The following TP63 variants were observed in gnomAD, a reference collection of about 807,000 sequenced individuals.
TP63 encodes the protein tumor protein p63.
In TP63, 17 loss-of-function variants were observed where a neutral mutation model predicts 82.8. The ratio of observed to expected loss-of-function variants is 0.21; its 90% CI spans 0.14 to 0.31. The LOEUF (loss-of-function observed/expected upper bound fraction) is 0.31. Ranked by LOEUF, TP63 falls within the 10% of genes least tolerant of loss-of-function variation. The probability of loss-of-function intolerance (pLI) is 1.00; values close to 1 mark genes in which losing one functional copy is unlikely to be tolerated. For missense variants in TP63, 648 were observed against 895.3 expected (o/e 0.72, Z 3.52); for synonymous variants, 330 against 321.7 (o/e 1.03, Z -0.28).
intron 1 of TP63, among the ~76,000 whole-genome samples, chr3:189,708,385 G>T (rs1348227870): frequency 6.6e-6 from 1 of 152,168 alleles, no homozygotes; most frequent in East Asian, 1.9e-4. Context: ...GCTACAGCCT[G>T]ATTTTTGGTT....
chr3:189,655,437 C>G (rs1002225368), intron 1 of TP63, among the ~76,000 whole-genome samples: 1 of 152,036 alleles, frequency 6.6e-6, no homozygotes, highest in Non-Finnish European at 1.5e-5. Context: ...CCAGGCTGGC[C>G]AACATGGCAA....
chr3:189,694,684 G>A (rs138348815), intron 1 of TP63, among the ~76,000 whole-genome samples: 1 of 149,672 alleles, frequency 6.7e-6, no homozygotes, highest in Non-Finnish European at 1.5e-5. Flanking sequence ...TGGTAATACT[G>A]ATCACCTGGC....
intron 10 of TP63, chr3:189,881,404 T>C (rs1719900245): frequency 2.0e-6 from 2 of 985,330 alleles, no homozygotes; most frequent in Admixed American, 6.2e-5. Flanking sequence ...CACTGTATTT[T>C]CTGTCACCAA....
rs756653133 is a variant in TP63, at chr3:189,886,508, C to T, written c.1464C>T (p.Asn488=). The change falls in exon 11 of 14, where the codon AAC becomes AAT. Residue 488 remains asparagine (N), a synonymous_variant. Transcript: ENST00000264731. ...AGCTTATCAACCCTCAGCAGCGCAA[C>T]GCCCTCACTCCTACAACCATTCCTG... ...VSQLINPQQR[N]ALTPTTIPDG... is the part of the protein sequence containing the mutation. 42 of 1,614,004 alleles carry T rather than the reference C, an allele frequency of 2.6e-5. No individual in the cohort carries two copies. The Admixed American group carries it at 2.7e-4, about 10-fold the overall frequency.
chr3:189,614,347 G>GTTCTCT, the TP63 span, among the ~76,000 whole-genome samples: 2 of 152,286 alleles, frequency 1.3e-5, no homozygotes, highest in South Asian at 2.1e-4. Flanking sequence ...CATGTAAGAA[G>GTTCTCT]TGCTTTTTGC....
rs1362476998 is a variant in TP63 at position 189,875,611 on chromosome 3, T to C, written c.1349+2616T>C. ...ATACATACATATATATATATATATATATATATATATATATATATATATATA... is the reference window on the plus strand; with the variant it reads ...ATACATACATATATATATATATATACATATATATATATATATATATATATA... On this transcript the variant is annotated intron_variant, in intron 10 of 13. Transcript: ENST00000264731. Among the ~76,000 whole-genome samples the C allele has an allele frequency of 1.6e-3, 121 of 77,030 alleles. 8 individuals carry two copies. The highest frequency in any genetic ancestry group is 8.8e-3 in the South Asian group (23 of 2,626). 50.5% of individuals were successfully genotyped at this position (77,030 alleles called of 152,430 possible).
chr3:189,755,671 G>T (rs7631262), intron 3 of TP63, among the ~76,000 whole-genome samples: 1 of 151,772 alleles, frequency 6.6e-6, no homozygotes, highest in Non-Finnish European at 1.5e-5. Context: ...GGGTAAAATT[G>T]TATAAACATG....
intron 1 of TP63, among the ~76,000 whole-genome samples, chr3:189,638,965 CAG>C (rs1419661583): frequency 6.6e-6 from 1 of 152,140 alleles, no homozygotes; most frequent in Admixed American, 6.6e-5. Flanking sequence ...TAATGAAAAA[CAG>C]AGATGCATGC....
chr3:189,867,403 T>C (rs1163885801), intron 6 of TP63, among the ~76,000 whole-genome samples: 3 of 152,348 alleles, frequency 2.0e-5, no homozygotes, highest in African/African-American at 7.2e-5. Context: ...AGCTCTAAGA[T>C]GTTATTAATG....
At chr3:189,825,663 T>A (rs141044669) in intron 4 of TP63, among the ~76,000 whole-genome samples, 3 of 152,358 alleles carry the variant, frequency 2.0e-5, no homozygotes, top group African/African-American at 7.2e-5. Flanking sequence ...TCTTCTCTAT[T>A]CTTTCCCTTT....
At chr3:189,694,092 C>A (rs9840152) in intron 1 of TP63, among the ~76,000 whole-genome samples, 2 of 152,034 alleles carry the variant, frequency 1.3e-5, no homozygotes. Flanking sequence ...GACTATTAAA[C>A]AGCGGAACAG....
At chr3:189,740,114 A>T (rs993431337) in intron 3 of TP63, among the ~76,000 whole-genome samples, 1 of 152,214 alleles carries the variant, frequency 6.6e-6, no homozygotes, top group African/African-American at 2.4e-5. Context: ...TAATTTGATT[A>T]GAGAAAAATA....
intron 4 of TP63, among the ~76,000 whole-genome samples, chr3:189,826,829 C>T (rs976726805): frequency 6.6e-6 from 1 of 152,108 alleles, no homozygotes; most frequent in Admixed American, 6.5e-5. Context: ...GTTGAAGGCC[C>T]CATACTATGA....
intron 8 of TP63, 144 bp downstream of exon 8, chr3:189,868,860 G>A: frequency 2.3e-6 from 3 of 1,313,368 alleles, no homozygotes; most frequent in Non-Finnish European, 2.2e-6. Flanking sequence ...AGTGAGAATA[G>A]GTATAGCATT....
chr3:189,878,385 C>CTTTTTTTTT (rs1203096619), intron 10 of TP63, among the ~76,000 whole-genome samples: 1 of 107,698 alleles, frequency 9.3e-6, no homozygotes, highest in Non-Finnish European at 1.9e-5. Context: ...TTACAGTTTC[C>CTTTTTTTTT]TTTTTTTTTT....
chr3:189,822,367 A>G (rs1035503882), intron 4 of TP63, among the ~76,000 whole-genome samples: 12 of 152,278 alleles, frequency 7.9e-5, no homozygotes, highest in African/African-American at 1.9e-4. Context: ...TTTTACCCCA[A>G]TTAAGAGCAG....
chr3:189,802,994 G>A (rs769625936), intron 3 of TP63, among the ~76,000 whole-genome samples: 12 of 152,068 alleles, frequency 7.9e-5, no homozygotes, highest in Non-Finnish European at 1.6e-4. Context: ...TCTGAAAAAG[G>A]GGACATTTTA....
chr3:189,706,145 C>T (rs941411334), intron 1 of TP63, among the ~76,000 whole-genome samples: 2 of 152,156 alleles, frequency 1.3e-5, no homozygotes, highest in African/African-American at 4.8e-5. Flanking sequence ...AGCCCACCCT[C>T]CCCTACAAAT....
intron 1 of TP63, among the ~76,000 whole-genome samples, chr3:189,714,681 A>C (rs996409477): frequency 6.6e-6 from 1 of 152,158 alleles, no homozygotes; most frequent in African/African-American, 2.4e-5. Context: ...ATTCTCTCAA[A>C]TATGAGAGGC....
Sources: gnomAD v4.1 joint callset for allele counts (sites outside exome capture counted in the v4.1 genomes callset) on GRCh38, gnomAD v4.1.1 for gene constraint, MANE v1.5 for transcripts, NCBI Gene and HGNC (gene_info 2026-07-23, HGNC 2026-07-21) for gene names.